The following TENM4 variants were observed in gnomAD, a reference collection of about 807,000 sequenced individuals.
TENM4 encodes the protein teneurin-4.
Under a neutral mutation model 243.3 loss-of-function variants are expected in TENM4, and 82 were observed. The ratio of observed to expected loss-of-function variants is 0.34; its 90% CI spans 0.28 to 0.40. The LOEUF is 0.40. Among genes scored for constraint, TENM4 ranks in the 10% least tolerant of loss-of-function variants. The pLI is 1.00. For synonymous variants in TENM4, 1,412 were observed against 1,456.3 expected (o/e 0.97, Z 0.69); for missense variants, 3,138 against 3,673.3 (o/e 0.85, Z 3.77).
At chr11:79,163,739 A>G (rs1307647457) in intron 3 of TENM4, among the ~76,000 whole-genome samples, 2 of 150,508 alleles carry the variant, frequency 1.3e-5, no homozygotes, top group East Asian at 3.9e-4. Flanking sequence ...TTTATGTCTG[A>G]GTAATACTCC....
intron 1 of TENM4, among the ~76,000 whole-genome samples, chr11:79,365,505 TG>T (rs1350302501): frequency 3.9e-5 from 6 of 152,212 alleles, no homozygotes; most frequent in Admixed American, 1.3e-4. Flanking sequence ...CACAAGAGGC[TG>T]ACCCCTGCTG....
At chr11:79,148,100 T>G (rs1862426172) in intron 4 of TENM4, among the ~76,000 whole-genome samples, 1 of 152,138 alleles carries the variant, frequency 6.6e-6, no homozygotes, top group African/African-American at 2.4e-5. Context: ...CTGCTTTGAT[T>G]CTCATCCATA....
intron 4 of TENM4, among the ~76,000 whole-genome samples, chr11:79,113,324 A>G (rs1432259267): frequency 6.6e-6 from 1 of 151,842 alleles, no homozygotes. Context: ...GAAAATTCAT[A>G]TCCTTCATAT....
chr11:78,792,792 T>C (rs116414822), intron 15 of TENM4, among the ~76,000 whole-genome samples: 2,321 of 152,338 alleles, frequency 0.015, 56 homozygotes, highest in African/African-American at 0.053. Context: ...GTGTCCTTTG[T>C]GCCTAAGCTT....
intron 2 of TENM4, among the ~76,000 whole-genome samples, chr11:79,271,055 G>T (rs1432796061): frequency 6.6e-6 from 1 of 152,156 alleles, no homozygotes; most frequent in East Asian, 1.9e-4. Flanking sequence ...GGAAATTGAT[G>T]ACTTCTGAAG....
chr11:78,676,031 A>T, intron 30 of TENM4, 121 bp downstream of exon 30: 1 of 960,422 alleles, frequency 1.0e-6, no homozygotes, highest in Non-Finnish European at 1.5e-6. Flanking sequence ...TCCCTGATTT[A>T]GTTCTCCCCT....
rs977805113 is a variant in TENM4 at position 79,311,791 on chromosome 11, G to C, written c.-320-14248C>G. ...CTTTGCTCATGCTCTTCCTCTTTTG[G>C]AGCAATCCAAACCCTTCCAGGTTCT... On this transcript the variant is annotated intron_variant, in intron 1 of 33. Coordinates refer to ENST00000278550, the MANE Select transcript of TENM4 (RefSeq NM_001098816.3). Among the ~76,000 whole-genome samples the C allele has an allele frequency of 6.6e-5, 10 of 152,062 alleles. 1 individual carries two copies. Among genetic ancestry groups the C allele is most frequent in the Admixed American group, 5.9e-4 (9 of 15,270 alleles).
intron 4 of TENM4, among the ~76,000 whole-genome samples, chr11:79,085,100 T>C (rs1313199991): frequency 6.6e-6 from 1 of 152,046 alleles, no homozygotes; most frequent in East Asian, 1.9e-4. Flanking sequence ...TGGCCGGGTG[T>C]AGTGGCTCAT....
chr11:78,968,876 C>G (rs920997577), intron 6 of TENM4, among the ~76,000 whole-genome samples: 6 of 152,280 alleles, frequency 3.9e-5, no homozygotes, highest in Non-Finnish European at 8.8e-5. Context: ...AAGGGAGAGG[C>G]CTGTCTATCA....
chr11:78,677,027 C>T (rs187055764), intron 29 of TENM4, among the ~76,000 whole-genome samples: 21 of 152,184 alleles, frequency 1.4e-4, no homozygotes, highest in South Asian at 2.1e-4. Flanking sequence ...TTTCTCTTTG[C>T]GGTGATAAAC....
Position 79,283,886 on chromosome 11 carries a change from C to T in TENM4, c.-265+13602G>A, listed in dbSNP as rs184624914. Among the ~76,000 whole-genome samples, 3 of 152,212 alleles carry T rather than the reference C, an allele frequency of 2.0e-5. No individual in the cohort carries two copies. In the East Asian group the frequency reaches 5.8e-4, roughly 29 times the overall value. On this transcript the variant is annotated intron_variant, in intron 2 of 33. Coordinates refer to ENST00000278550, the MANE Select transcript of TENM4 (RefSeq NM_001098816.3). ...GAAGGATACCAGATCAATGTACAAT[C>T]AGTTGTATTTCTATACACTAGCAAT...
At chr11:79,048,243 C>T (rs2164312) in intron 6 of TENM4, among the ~76,000 whole-genome samples, 6 of 152,218 alleles carry the variant, frequency 3.9e-5, no homozygotes, top group African/African-American at 1.4e-4. Context: ...GGTCACTCTA[C>T]AGTCATGTCT....
In TENM4 at chr11:79,177,473, T is replaced by C. The variant is rs561396689; in HGVS notation, c.-162-28667A>G. On this transcript the variant is annotated intron_variant, in intron 3 of 33. Coordinates refer to ENST00000278550, the MANE Select transcript of TENM4 (RefSeq NM_001098816.3). The stretch of plus-strand genomic sequence containing the variant: ...TATTTGAAGCCTCTCTGAGCACCCA[T>C]AGGTATTGCTCTACATTCAGGGATC... Among the ~76,000 whole-genome samples, 86 of 152,054 alleles carry C rather than the reference T, an allele frequency of 5.7e-4. 1 individual carries two copies. The highest frequency in any genetic ancestry group is 4.4e-3 in the Admixed American group (67 of 15,270).
In TENM4 at chr11:79,153,301, T is replaced by C. The variant is rs370919511; in HGVS notation, c.-162-4495A>G. On this transcript the variant is annotated intron_variant, in intron 3 of 33. Transcript: ENST00000278550. ...ATTTTGTAAATGAATATTAGATGAT[T>C]CTTCTTGTGTGAATACATGTCCAAA... is the stretch of plus-strand genomic sequence containing the variant. Among the ~76,000 whole-genome samples, 3 of 152,338 alleles carry C rather than the reference T, an allele frequency of 2.0e-5. 1 individual carries two copies. The South Asian group carries it at 6.2e-4, about 32-fold the overall frequency.
chr11:79,121,645 T>C (rs753054050), intron 4 of TENM4, among the ~76,000 whole-genome samples: 26 of 152,306 alleles, frequency 1.7e-4, no homozygotes, highest in Non-Finnish European at 1.0e-4. Flanking sequence ...GCAAGTAGTG[T>C]CCAATTACAT....
In TENM4 at chr11:79,347,050, TC is replaced by T. The variant is rs556239894; in HGVS notation, c.-320-49508del. On this transcript the variant is annotated intron_variant, in intron 1 of 33. Coordinates refer to ENST00000278550, the MANE Select transcript of TENM4 (RefSeq NM_001098816.3). ...ACTTTCCCCTTTCAGACCAATTTGC[TC>T]ATCACTAGGGATGCATCTTACTTAG... Among the ~76,000 whole-genome samples, 440 of 152,286 alleles carry T rather than the reference TC, an allele frequency of 2.9e-3. 2 individuals carry two copies. The highest frequency in any genetic ancestry group is 1.0e-2 in the African/African-American group (414 of 41,552).
intron 14 of TENM4, among the ~76,000 whole-genome samples, chr11:78,807,801 G>A (rs1279928615): frequency 4.6e-5 from 7 of 152,152 alleles, no homozygotes; most frequent in African/African-American, 1.7e-4. Flanking sequence ...AGAAGAAAAA[G>A]CTCTCCATTT....
intron 4 of TENM4, among the ~76,000 whole-genome samples, chr11:79,101,443 A>G (rs1861228620): frequency 6.6e-6 from 1 of 152,236 alleles, no homozygotes; most frequent in Admixed American, 6.5e-5. Context: ...CTCCAGGACT[A>G]ACACACAGGG....
chr11:78,937,016 C>A (rs906009308), intron 6 of TENM4, among the ~76,000 whole-genome samples: 1 of 152,122 alleles, frequency 6.6e-6, no homozygotes, highest in Non-Finnish European at 1.5e-5. Context: ...CTTCCCTTCT[C>A]AGAAACACAT....
Sources: allele counts gnomAD v4.1 joint callset (sites outside exome capture counted in the v4.1 genomes callset), GRCh38; gene constraint gnomAD v4.1.1; transcripts MANE v1.5; gene names NCBI Gene and HGNC (gene_info 2026-07-23, HGNC 2026-07-21).